Variants in MAPT observed in about 807,000 individuals in gnomAD.
MAPT encodes microtubule associated protein tau, also known as microtubule-associated protein tau.
A neutral mutation model predicts 67.9 loss-of-function variants in MAPT; 34 were observed. The observed-to-expected ratio is 0.50, with a 90% CI of 0.38 to 0.67. MAPT has a LOEUF of 0.67. Among genes scored for constraint, MAPT ranks in the 30% least tolerant of loss-of-function variants. MAPT has a pLI of 0.00. For synonymous variants in MAPT, 456 were observed against 464.5 expected (o/e 0.98, Z 0.23); for missense variants, 881 against 1,115.2 (o/e 0.79, Z 2.99).
chr17:45,907,262 C>A (rs1356279958), intron 1 of MAPT, among the ~76,000 whole-genome samples: 4 of 152,174 alleles, frequency 2.6e-5, no homozygotes, highest in African/African-American at 9.7e-5. Flanking sequence ...CTCTCCCTGC[C>A]CCACCCCCTA....
In MAPT at chr17:46,010,567, C is replaced by T. The variant is rs1393023378; in HGVS notation, c.2091+165C>T. Among the ~76,000 whole-genome samples the T allele has an allele frequency of 2.6e-5, 4 of 152,196 alleles. No homozygotes were observed. Among genetic ancestry groups the T allele is most frequent in the Non-Finnish European group, 5.9e-5 (4 of 68,022 alleles). On this transcript the variant is annotated intron_variant, in intron 10 of 12. Transcript: ENST00000262410. The surrounding 1 kb of genome is among the most constrained non-coding windows in gnomAD (Gnocchi z 4.7). ...TGTAGCCCGGCTCCCCACATTCCCC[C>T]ACACGGTCCACTGTTCCCAGAAGCC... is the stretch of plus-strand genomic sequence containing the variant.
intron 1 of MAPT, among the ~76,000 whole-genome samples, chr17:45,920,552 C>G (rs2065610014): frequency 6.6e-6 from 1 of 152,220 alleles, no homozygotes; most frequent in Non-Finnish European, 1.5e-5. Context: ...CGTGCACCTT[C>G]TGCCTGGCAG....
At position 45,999,647 on chromosome 17, in the gene MAPT, C is replaced by A. The variant is rs372382887; in HGVS notation, c.1998+2983C>A. The stretch of plus-strand genomic sequence containing the variant: ...CTGCCCATGAGGGGTGAGAGTCAGG[C>A]GACCTCATGCCAAGTGTAGAAAGGG... On this transcript the variant is annotated intron_variant, in intron 9 of 12. Coordinates refer to ENST00000262410, the MANE Select transcript of MAPT (RefSeq NM_001377265.1). 5 of 1,605,006 alleles carry A rather than the reference C, an allele frequency of 3.1e-6. No homozygotes were observed. The African/African-American group carries it at 5.3e-5, about 17-fold the overall frequency.
intron 1 of MAPT, chr17:45,898,464 A>G (rs933820708): frequency 1.3e-5 from 2 of 152,348 alleles, no homozygotes; most frequent in African/African-American, 4.8e-5. Context: ...TTTGACCCTC[A>G]TGCCCTTGGA....
intron 1 of MAPT, among the ~76,000 whole-genome samples, chr17:45,921,761 A>G (rs545735374): frequency 6.6e-6 from 1 of 152,170 alleles, no homozygotes; most frequent in Non-Finnish European, 1.5e-5. Context: ...TTTAAACTCT[A>G]TCTGGAGGAA....
intron 9 of MAPT, among the ~76,000 whole-genome samples, chr17:46,006,167 G>T (rs1279186464): frequency 6.6e-6 from 1 of 152,192 alleles, no homozygotes; most frequent in Non-Finnish European, 1.5e-5. Flanking sequence ...ATTCACAATA[G>T]CCAAGATTTG....
chr17:45,922,066 C>T (rs930432543), intron 1 of MAPT, among the ~76,000 whole-genome samples: 1 of 151,800 alleles, frequency 6.6e-6, no homozygotes, highest in Non-Finnish European at 1.5e-5. Context: ...TGCAGTGAAG[C>T]TGGAGTGCCG....
chr17:46,023,201 A>G (rs2076636194), intron 12 of MAPT, among the ~76,000 whole-genome samples: 1 of 152,194 alleles, frequency 6.6e-6, no homozygotes, highest in Non-Finnish European at 1.5e-5. Flanking sequence ...TTGACCTAAG[A>G]GCTTCACTTC....
At chr17:46,013,556 T>G (rs1018641566) in intron 10 of MAPT, among the ~76,000 whole-genome samples, 1 of 152,192 alleles carries the variant, frequency 6.6e-6, no homozygotes, top group Non-Finnish European at 1.5e-5. Flanking sequence ...ACCCTGTTGG[T>G]GTTGCTTTGT....
intron 12 of MAPT, among the ~76,000 whole-genome samples, chr17:46,020,007 A>G (rs2076422014): frequency 3.0e-5 from 1 of 32,956 alleles, no homozygotes; most frequent in African/African-American, 1.2e-4. Context: ...GTGAGATTCC[A>G]TCTCACAAAA....
At chr17:45,903,886 T>TTAA (rs1555673649) in intron 1 of MAPT, among the ~76,000 whole-genome samples, 1 of 31,084 alleles carries the variant, frequency 3.2e-5, no homozygotes, top group Non-Finnish European at 6.2e-5. Flanking sequence ...TATTTATATA[T>TTAA]TTATATATTA....
intron 1 of MAPT, among the ~76,000 whole-genome samples, chr17:45,907,355 G>A (rs773889852): frequency 7.9e-5 from 12 of 152,146 alleles, no homozygotes; most frequent in Middle Eastern, 3.2e-3. Flanking sequence ...GAGGCTACGC[G>A]TTTCCTCTCA....
At chr17:45,990,487 G>A (rs558597296) in intron 7 of MAPT, 42 of 453,944 alleles carry the variant, frequency 9.3e-5, no homozygotes, top group African/African-American at 3.8e-4. Context: ...GGTGGTATGC[G>A]TGGTGGTAAT....
At chr17:45,990,123 G>A (rs1476396978) in intron 7 of MAPT, 48 bp downstream of exon 7, 6 of 1,556,944 alleles carry the variant, frequency 3.9e-6, no homozygotes, top group Non-Finnish European at 5.3e-6. Context: ...GCTGTGGTTT[G>A]CAAATGTGGG....
At chr17:45,958,739 A>C (rs1231896419) in intron 1 of MAPT, among the ~76,000 whole-genome samples, 1 of 151,378 alleles carries the variant, frequency 6.6e-6, no homozygotes, top group Admixed American at 6.6e-5. Context: ...AAAAAAAAAA[A>C]AGAGGAGAAA....
chr17:45,989,389 G>A (rs1214775088), intron 6 of MAPT, among the ~76,000 whole-genome samples: 1 of 152,144 alleles, frequency 6.6e-6, no homozygotes, highest in East Asian at 1.9e-4. Flanking sequence ...GGTGGCTCAC[G>A]CCTGTAATCC....
rs949618029 is a variant in MAPT, at chr17:45,903,583, C to T, written c.-18+8897C>T. Among the ~76,000 whole-genome samples, 54 of 148,628 alleles carry T rather than the reference C, an allele frequency of 3.6e-4. 1 individual carries two copies. Among genetic ancestry groups the T allele is most frequent in the Admixed American group, 3.4e-3 (49 of 14,496 alleles). On this transcript the variant is annotated intron_variant, in intron 1 of 12. Transcript: ENST00000262410. ...ACAAAAAATTAGCCGGGCGTGGTGGCGGGCGCCTGTAGTCCCAGCTACTCG... is the reference window on the plus strand; with the variant it reads ...ACAAAAAATTAGCCGGGCGTGGTGGTGGGCGCCTGTAGTCCCAGCTACTCG...
rs548598536 is a variant in MAPT, at chr17:45,994,940, C to T, written c.1733-1459C>T. Reference sequence around the variant, plus strand: ...CTGCACACCTGTAATATCAGCTACTCGGGAGGCTGAGGCAGGAGACTCGCT... The same window carrying T: ...CTGCACACCTGTAATATCAGCTACTTGGGAGGCTGAGGCAGGAGACTCGCT... On this transcript the variant is annotated intron_variant, in intron 8 of 12. Coordinates refer to ENST00000262410, the MANE Select transcript of MAPT (RefSeq NM_001377265.1). 7.2e-5 allele frequency among the ~76,000 whole-genome samples: 11 copies of T among 152,060 alleles called. 1 individual carries two copies. The highest frequency in any genetic ancestry group is 6.8e-3 in the Middle Eastern group (2 of 294).
chr17:45,926,061 A>G (rs1004351044), intron 1 of MAPT, among the ~76,000 whole-genome samples: 1 of 152,038 alleles, frequency 6.6e-6, no homozygotes, highest in Non-Finnish European at 1.5e-5. Flanking sequence ...AAATAAAAAA[A>G]TTAGCCATGT....
Sources: gnomAD v4.1 joint callset for allele counts (sites outside exome capture counted in the v4.1 genomes callset) on GRCh38, gnomAD v4.1.1 for gene constraint, Gnocchi (gnomAD v3.1) non-coding constraint, MANE v1.5 for transcripts, NCBI Gene and HGNC (gene_info 2026-07-23, HGNC 2026-07-21) for gene names.